BLM: variants seen among roughly 807,000 people sequenced by gnomAD.
The protein encoded by BLM is recQ-like DNA helicase BLM.
In BLM, 95 loss-of-function variants were observed where a neutral mutation model predicts 135.3. The ratio of observed to expected loss-of-function variants is 0.70; its 90% CI spans 0.59 to 0.83. The LOEUF is 0.83. BLM is among the 40% of genes least tolerant of loss of function. BLM has a pLI of 0.00. For missense variants in BLM, 1,518 were observed against 1,663.9 expected (o/e 0.91, Z 1.53); for synonymous variants, 520 against 589.2 (o/e 0.88, Z 1.70).
chr15:90,744,069 C>A (rs192223457), intron 1 of BLM, among the ~76,000 whole-genome samples: 1 of 152,268 alleles, frequency 6.6e-6, no homozygotes, highest in East Asian at 1.9e-4. Flanking sequence ...TGTAGGAAAT[C>A]TCTTATTAAA....
At chr15:90,723,498 A>T (rs1302935576) in intron 1 of BLM, among the ~76,000 whole-genome samples, 1 of 151,976 alleles carries the variant, frequency 6.6e-6, no homozygotes, top group Non-Finnish European at 1.5e-5. Flanking sequence ...TAAAAAATTT[A>T]AAAAATTAGT....
intron 12 of BLM, among the ~76,000 whole-genome samples, chr15:90,770,062 C>G (rs758114253): frequency 1.3e-5 from 2 of 151,972 alleles, no homozygotes; most frequent in Non-Finnish European, 2.9e-5. Flanking sequence ...AGTCCAGATA[C>G]TATGTCGAAT....
At chr15:90,793,138 C>CT (rs572226744) in intron 15 of BLM, among the ~76,000 whole-genome samples, 1,558 of 141,842 alleles carry the variant, frequency 0.011, 27 homozygotes, top group African/African-American at 0.032. Flanking sequence ...AAATTATTTT[C>CT]TTTTTTTTTT....
intron 14 of BLM, chr15:90,790,384 A>G (rs1170182760): frequency 2.1e-6 from 1 of 473,422 alleles, no homozygotes; most frequent in East Asian, 4.0e-5. Context: ...TGGCTCTCTT[A>G]CATGAGAATG....
chr15:90,719,213 G>C (rs998760118), intron 1 of BLM, among the ~76,000 whole-genome samples: 4 of 152,020 alleles, frequency 2.6e-5, no homozygotes, highest in Admixed American at 6.6e-5. Flanking sequence ...GGATGGTCTC[G>C]ATCTCCTGAC....
chr15:90,757,875 AT>A (rs199567851), intron 5 of BLM, among the ~76,000 whole-genome samples: 7 of 146,836 alleles, frequency 4.8e-5, no homozygotes, highest in South Asian at 2.2e-4. Context: ...TCCTATTGCC[AT>A]TTTTTTTCCT....
chr15:90,727,432 G>T (rs529772637), intron 1 of BLM, among the ~76,000 whole-genome samples: 57 of 152,254 alleles, frequency 3.7e-4, no homozygotes, highest in African/African-American at 1.3e-3. Context: ...GCCTGAAACT[G>T]TTACCTTCAG....
intron 19 of BLM, among the ~76,000 whole-genome samples, chr15:90,805,518 G>T (rs1265883280): frequency 6.6e-6 from 1 of 151,778 alleles, no homozygotes; most frequent in Non-Finnish European, 1.5e-5. Flanking sequence ...GGCCGGACAC[G>T]GTGGCTCACG....
intron 1 of BLM, among the ~76,000 whole-genome samples, chr15:90,741,132 T>A (rs1895354059): frequency 6.6e-6 from 1 of 152,194 alleles, no homozygotes; most frequent in Admixed American, 6.6e-5. Context: ...AGCTACTTTT[T>A]AAAAATAACA....
At chr15:90,797,069 AACCAAAAG>A (rs1462095391) in intron 16 of BLM, among the ~76,000 whole-genome samples, 2 of 152,110 alleles carry the variant, frequency 1.3e-5, no homozygotes, top group Non-Finnish European at 2.9e-5. Flanking sequence ...GGAGATCAAG[AACCAAAAG>A]ACCAAAGTAA....
At position 90,808,771 on chromosome 15, in the gene BLM, C is replaced by T. The variant is rs9282617; in HGVS notation, c.3752-366C>T. 2,115 of 354,196 alleles carry T rather than the reference C, an allele frequency of 6.0e-3. 33 individuals carry two copies. The highest frequency in any genetic ancestry group is 0.029 in the East Asian group (425 of 14,846). The allele number at this position is 354,196 out of a possible 1,614,324, so 21.9% of individuals were successfully genotyped here. ...GCTGGAAATAGAAATGCAGCGTTCT[C>T]AGTAAAGAGAGGGCACACCAGTCTC... On this transcript the variant is annotated intron_variant, in intron 19 of 21. Transcript: ENST00000355112.
intron 19 of BLM, among the ~76,000 whole-genome samples, chr15:90,806,138 C>T (rs931757049): frequency 1.3e-5 from 2 of 152,220 alleles, no homozygotes; most frequent in Admixed American, 6.5e-5. Flanking sequence ...ATTTTTTCTT[C>T]CTTAATAGTC....
chr15:90,807,360 G>A (rs1897308070), intron 19 of BLM, among the ~76,000 whole-genome samples: 7 of 152,174 alleles, frequency 4.6e-5, no homozygotes, highest in Admixed American at 4.6e-4. Context: ...TTGGGGGCCT[G>A]TGTCCTCAGA....
chr15:90,763,683 T>C (rs1896046133), intron 8 of BLM, among the ~76,000 whole-genome samples: 1 of 152,198 alleles, frequency 6.6e-6, no homozygotes, highest in South Asian at 2.1e-4. Context: ...AGCAGTAAAG[T>C]ACCTGGTTCA....
chr15:90,781,956 C>G (rs1896626396), intron 12 of BLM, among the ~76,000 whole-genome samples: 1 of 152,194 alleles, frequency 6.6e-6, no homozygotes, highest in Non-Finnish European at 1.5e-5. Context: ...TATATGTTTT[C>G]TCTTCCACAA....
At chr15:90,763,647 C>T (rs1567042490) in intron 8 of BLM, among the ~76,000 whole-genome samples, 1 of 152,116 alleles carries the variant, frequency 6.6e-6, no homozygotes, top group Non-Finnish European at 1.5e-5. Flanking sequence ...TCCCTGGGCC[C>T]ATTTTCTCAT....
chr15:90,802,955 C>G (rs578210835), intron 17 of BLM, among the ~76,000 whole-genome samples: 1 of 151,782 alleles, frequency 6.6e-6, no homozygotes, highest in Non-Finnish European at 1.5e-5. Context: ...TACTATGTAC[C>G]CACAAAAATT....
At chr15:90,750,933 AAGATCCAT>A (rs1895666407) in intron 3 of BLM, among the ~76,000 whole-genome samples, 1 of 152,234 alleles carries the variant, frequency 6.6e-6, no homozygotes, top group Admixed American at 6.5e-5. Flanking sequence ...TTGCTGCCGT[AAGATCCAT>A]AGAGGTTAAA....
In BLM at chr15:90,815,293, A is replaced by G. The variant is rs746586885; in HGVS notation, c.*14A>G. 11 of 1,610,978 alleles carry G rather than the reference A, an allele frequency of 6.8e-6. No individual in the cohort carries two copies. Among genetic ancestry groups the G allele is most frequent in the South Asian group, 1.1e-5 (1 of 90,992 alleles). ...GCATTCTCATAACAACCGAATCTCA[A>G]TGTACATAGACCCTCTTTCTTGTTT... is the stretch of plus-strand genomic sequence containing the variant. On this transcript the variant is annotated 3_prime_UTR_variant, in exon 22 of 22. Coordinates refer to ENST00000355112, the MANE Select transcript of BLM (RefSeq NM_000057.4). This position sits in a 1 kb window ranked among gnomAD's most constrained non-coding sequence, Gnocchi z 4.6.
Sources: gnomAD v4.1 joint callset for allele counts (sites outside exome capture counted in the v4.1 genomes callset) on GRCh38, gnomAD v4.1.1 for gene constraint, Gnocchi (gnomAD v3.1) non-coding constraint, MANE v1.5 for transcripts, NCBI Gene and HGNC (gene_info 2026-07-23, HGNC 2026-07-21) for gene names.